PCDHA12: variants seen among roughly 807,000 people sequenced by gnomAD.
The protein encoded by PCDHA12 is protocadherin alpha-12.
A neutral mutation model predicts 60.0 loss-of-function variants in PCDHA12; 44 were observed. The observed-to-expected ratio is 0.73, with a 90% CI of 0.58 to 0.94. PCDHA12 has a LOEUF of 0.94. PCDHA12 is among the 40% of genes least tolerant of loss of function. The pLI, the probability that PCDHA12 is intolerant of heterozygous loss-of-function variation, is 0.00. For synonymous variants in PCDHA12, 569 were observed against 553.0 expected (o/e 1.03, Z -0.40); for missense variants, 1,276 against 1,239.7 (o/e 1.03, Z -0.44).
rs782453395 is a variant in PCDHA12 at position 140,875,890 on chromosome 5, G to T, written c.418G>T (p.Val140Leu). 79 of 1,614,062 alleles carry T rather than the reference G, an allele frequency of 4.9e-5. No homozygotes were observed. Among genetic ancestry groups the T allele is most frequent in the Non-Finnish European group, 5.9e-5 (70 of 1,180,034 alleles). Residue 140 changes from valine to leucine, a missense_variant, in exon 1 of 4, where the codon GTA (valine) becomes TTA (leucine). Coordinates refer to ENST00000398631, the MANE Select transcript of PCDHA12 (RefSeq NM_018903.4). ...GGTGTTCAGAGAAAGGGAACAAAAG[G>T]TACCTGTTTCTGAATCTGCGCCTCT... ...PPVFREREQK[V>L]PVSESAPLDS...
intron 1 of PCDHA12, among the ~76,000 whole-genome samples, chr5:140,912,509 T>A (rs1473163707): frequency 6.6e-6 from 1 of 152,170 alleles, no homozygotes; most frequent in Non-Finnish European, 1.5e-5. Flanking sequence ...TTTGGATGAA[T>A]CTTTAGGGTT....
intron 1 of PCDHA12, among the ~76,000 whole-genome samples, chr5:140,960,713 A>C (rs1272219565): frequency 6.6e-6 from 1 of 150,862 alleles, no homozygotes; most frequent in Non-Finnish European, 1.5e-5. Context: ...CCAAATACTC[A>C]TCTTATTTTA....
At chr5:140,942,546 TA>T (rs1380022033) in intron 1 of PCDHA12, among the ~76,000 whole-genome samples, 4 of 150,044 alleles carry the variant, frequency 2.7e-5, no homozygotes, top group African/African-American at 9.8e-5. Flanking sequence ...TGGTGGGGGG[TA>T]GGGGGTTGAG....
intron 1 of PCDHA12, chr5:140,968,774 C>G: frequency 6.2e-7 from 1 of 1,614,206 alleles, no homozygotes; most frequent in Non-Finnish European, 8.5e-7. Flanking sequence ...AGAGCCATCA[C>G]TATCAGCCTC....
chr5:140,924,907 A>AAT (rs1554202344), intron 1 of PCDHA12, among the ~76,000 whole-genome samples: 14 of 50,940 alleles, frequency 2.7e-4, no homozygotes, highest in African/African-American at 6.9e-4. Context: ...AAAAAAAAAT[A>AAT]AAATAAAATA....
At chr5:140,906,097 T>G (rs1396034135) in intron 1 of PCDHA12, among the ~76,000 whole-genome samples, 1 of 152,144 alleles carries the variant, frequency 6.6e-6, no homozygotes, top group Non-Finnish European at 1.5e-5. Context: ...AGAGTAAGTG[T>G]GTCTTTCCCA....
rs1554239929 is a variant in PCDHA12 at position 140,978,939 on chromosome 5, G to A, written c.2368-10G>A. 1 of 1,613,986 alleles carries A rather than the reference G, an allele frequency of 6.2e-7. No individual in the cohort carries two copies. The highest frequency in any genetic ancestry group is 1.3e-5 in the African/African-American group (1 of 74,908). On this transcript the variant is annotated splice_polypyrimidine_tract_variant and intron_variant, in intron 1 of 3. Transcript: ENST00000398631. ...CATTTTAACAGAAAACTCTCTTTGTGATTTTGCAGCCACGACAGCCCAACC... is the reference window on the plus strand; with the variant it reads ...CATTTTAACAGAAAACTCTCTTTGTAATTTTGCAGCCACGACAGCCCAACC...
At chr5:140,941,210 TCTTC>T (rs1480454721) in intron 1 of PCDHA12, among the ~76,000 whole-genome samples, 2,917 of 100,514 alleles carry the variant, frequency 0.029, 68 homozygotes, top group South Asian at 0.045. Flanking sequence ...TTCCTTTCTT[TCTTC>T]CTTTCTTTCT....
At chr5:140,984,942 A>C (rs1263555467) in intron 3 of PCDHA12, among the ~76,000 whole-genome samples, 1 of 151,954 alleles carries the variant, frequency 6.6e-6, no homozygotes, top group Admixed American at 6.6e-5. Context: ...ATAAATGTCT[A>C]ATCTTTTTTT....
chr5:140,983,897 G>A (rs155365), intron 3 of PCDHA12, among the ~76,000 whole-genome samples: 149,305 of 152,360 alleles, frequency 0.98, 73,183 homozygotes, highest in Middle Eastern at 1. Flanking sequence ...AAGGGCATTC[G>A]TTGATTCTAA....
intron 1 of PCDHA12, chr5:140,882,155 T>C (rs1317545188): frequency 1.3e-6 from 2 of 1,504,050 alleles, no homozygotes; most frequent in Admixed American, 2.3e-5. Flanking sequence ...GAAAGCGGAA[T>C]ACCTCTTGCG....
intron 3 of PCDHA12, among the ~76,000 whole-genome samples, chr5:140,985,949 C>T (rs1195801055): frequency 2.6e-5 from 4 of 152,032 alleles, no homozygotes; most frequent in African/African-American, 9.7e-5. Context: ...CTGTGTTAGC[C>T]AGGATGGTCT....
chr5:140,883,520 G>A (rs1554178526), intron 1 of PCDHA12: 1 of 1,614,222 alleles, frequency 6.2e-7, no homozygotes, highest in Non-Finnish European at 8.5e-7. Context: ...CCGCGAGAGC[G>A]TATCAGCCTA....
At chr5:140,909,560 C>A (rs2074577216) in intron 1 of PCDHA12, among the ~76,000 whole-genome samples, 1 of 152,284 alleles carries the variant, frequency 6.6e-6, no homozygotes, top group Middle Eastern at 3.4e-3. Flanking sequence ...ATCTCTGCAA[C>A]CCATCCAGAG....
At position 140,936,025 on chromosome 5, in the gene PCDHA12, G is replaced by A. The variant is rs542573400; in HGVS notation, c.2368-42924G>A. On this transcript the variant is annotated intron_variant, in intron 1 of 3. Coordinates refer to ENST00000398631, the MANE Select transcript of PCDHA12 (RefSeq NM_018903.4). ...CTCCCACCTCAGCCTCCCGAGTAGC[G>A]GGGATTACAGGCACCCACCACCACA... 1.5e-3 allele frequency among the ~76,000 whole-genome samples: 222 copies of A among 151,390 alleles called. 1 individual carries two copies. The highest frequency in any genetic ancestry group is 6.8e-3 in the Middle Eastern group (2 of 294).
chr5:140,967,074 A>C (rs1554229140), intron 1 of PCDHA12: 1 of 1,613,138 alleles, frequency 6.2e-7, no homozygotes. Flanking sequence ...TTCGTCAACG[A>C]GCGCATTGAT....
At chr5:140,882,460 C>T in intron 1 of PCDHA12, 4 of 1,613,998 alleles carry the variant, frequency 2.5e-6, no homozygotes, top group Non-Finnish European at 3.4e-6. Context: ...CGCGCCTGTT[C>T]CGGGTGGCGT....
chr5:140,946,221 A>G (rs1287007358), intron 1 of PCDHA12, among the ~76,000 whole-genome samples: 2 of 152,214 alleles, frequency 1.3e-5, no homozygotes, highest in Admixed American at 6.5e-5. Context: ...ACCAACAGGT[A>G]TACTAAAAAA....
intron 1 of PCDHA12, chr5:140,927,314 C>G: frequency 6.2e-7 from 1 of 1,614,194 alleles, no homozygotes; most frequent in East Asian, 2.2e-5. Flanking sequence ...ACGCCCGGAG[C>G]CCGCTTTACT....
Sources: gnomAD v4.1 joint callset for allele counts (sites outside exome capture counted in the v4.1 genomes callset) on GRCh38, gnomAD v4.1.1 for gene constraint, MANE v1.5 for transcripts, NCBI Gene and HGNC (gene_info 2026-07-23, HGNC 2026-07-21) for gene names.